The following DGKB variants were observed in gnomAD, a reference collection of about 807,000 sequenced individuals.
The protein encoded by DGKB is diacylglycerol kinase beta.
DGKB carries 67 observed loss-of-function variants against 114.3 expected under a neutral mutation model. The observed-to-expected ratio is 0.59, with a 90% confidence interval of 0.48 to 0.72. The LOEUF (loss-of-function observed/expected upper bound fraction) is 0.72. Ranked by LOEUF, DGKB falls within the 30% of genes least tolerant of loss-of-function variation. DGKB has a pLI of 0.00. For missense variants in DGKB, 907 were observed against 975.2 expected (o/e 0.93, Z 0.93); for synonymous variants, 398 against 323.1 (o/e 1.23, Z -2.49).
chr7:14,598,554 G>T (rs866852652), intron 17 of DGKB, among the ~76,000 whole-genome samples: 79 of 152,290 alleles, frequency 5.2e-4, no homozygotes, highest in Admixed American at 3.9e-4. Flanking sequence ...TCTCATTGCA[G>T]ATGGTAAATG....
intron 23 of DGKB, among the ~76,000 whole-genome samples, chr7:14,327,730 G>T (rs554850037): frequency 1.3e-5 from 2 of 152,000 alleles, no homozygotes; most frequent in African/African-American, 4.8e-5. Flanking sequence ...TACTGCACTC[G>T]TGGTGAGCTG....
chr7:14,823,038 A>T (rs1209321082), intron 2 of DGKB, among the ~76,000 whole-genome samples: 2 of 151,888 alleles, frequency 1.3e-5, no homozygotes, highest in African/African-American at 4.8e-5. Flanking sequence ...CTTTTAAAAA[A>T]AATTTAAGAA....
At chr7:14,324,334 C>T (rs1199135307) in intron 23 of DGKB, among the ~76,000 whole-genome samples, 3 of 151,188 alleles carry the variant, frequency 2.0e-5, no homozygotes, top group African/African-American at 4.9e-5. Context: ...ATAATCCTGG[C>T]TACTTGGGAG....
intron 23 of DGKB, among the ~76,000 whole-genome samples, chr7:14,276,110 C>A (rs1471082099): frequency 6.6e-6 from 1 of 152,160 alleles, no homozygotes; most frequent in African/African-American, 2.4e-5. Context: ...AGGCAAATCA[C>A]TGAAGCTTTA....
intron 2 of DGKB, among the ~76,000 whole-genome samples, chr7:14,839,364 G>A (rs1847593295): frequency 6.6e-6 from 1 of 151,352 alleles, no homozygotes; most frequent in Non-Finnish European, 1.5e-5. Flanking sequence ...TGATAAAGAA[G>A]AAGTAGGCCA....
chr7:14,416,641 G>C (rs1825772566), intron 21 of DGKB, among the ~76,000 whole-genome samples: 1 of 151,972 alleles, frequency 6.6e-6, no homozygotes, highest in Non-Finnish European at 1.5e-5. Flanking sequence ...TGTTTTTTAA[G>C]GGGAAACACC....
chr7:14,799,987 G>A (rs921618110), intron 2 of DGKB, among the ~76,000 whole-genome samples: 1 of 152,010 alleles, frequency 6.6e-6, no homozygotes, highest in Admixed American at 6.6e-5. Context: ...CGCCATCTTG[G>A]CTTACTATGA....
intron 19 of DGKB, among the ~76,000 whole-genome samples, chr7:14,577,541 C>T (rs895290003): frequency 7.2e-5 from 11 of 151,964 alleles, no homozygotes; most frequent in East Asian, 1.9e-4. Context: ...GGCGTGAACC[C>T]GGGGGGCGGA....
At chr7:14,298,316 C>A (rs1802928996) in intron 23 of DGKB, among the ~76,000 whole-genome samples, 2 of 152,088 alleles carry the variant, frequency 1.3e-5, no homozygotes, top group Admixed American at 1.3e-4. Context: ...TACTACAAGG[C>A]TACATTAACC....
chr7:14,567,772 A>G (rs1457517479), intron 20 of DGKB, among the ~76,000 whole-genome samples: 2 of 150,312 alleles, frequency 1.3e-5, no homozygotes, highest in African/African-American at 2.5e-5. Flanking sequence ...ATGCCCAGCT[A>G]ATTTTTGTAT....
intron 23 of DGKB, among the ~76,000 whole-genome samples, chr7:14,309,749 C>A (rs1805062715): frequency 6.6e-6 from 1 of 152,164 alleles, no homozygotes; most frequent in African/African-American, 2.4e-5. Context: ...CTCTGACAAC[C>A]AGACAAATAC....
At chr7:14,864,801 A>AG (rs1053722982) in intron 1 of DGKB, among the ~76,000 whole-genome samples, 1 of 152,006 alleles carries the variant, frequency 6.6e-6, no homozygotes, top group Non-Finnish European at 1.5e-5. Flanking sequence ...TGACAAAAAA[A>AG]AAAAAATATG....
chr7:14,198,563 C>G (rs936206807), intron 23 of DGKB, among the ~76,000 whole-genome samples: 4 of 151,992 alleles, frequency 2.6e-5, no homozygotes, highest in Non-Finnish European at 5.9e-5. Flanking sequence ...CTTACAATAC[C>G]TTGATCTTTC....
intron 2 of DGKB, among the ~76,000 whole-genome samples, chr7:14,764,731 T>G (rs1836210565): frequency 6.6e-6 from 1 of 151,804 alleles, no homozygotes; most frequent in South Asian, 2.1e-4. Flanking sequence ...TTTTGTCTGA[T>G]TGCTACACGG....
chr7:14,773,788 A>AAT (rs972935511), intron 2 of DGKB, among the ~76,000 whole-genome samples: 16 of 151,812 alleles, frequency 1.1e-4, no homozygotes, highest in South Asian at 2.1e-4. Context: ...GTCATAAATA[A>AAT]ATATATATAT....
chr7:14,623,911 A>C (rs1396486293), intron 14 of DGKB, among the ~76,000 whole-genome samples: 1 of 152,124 alleles, frequency 6.6e-6, no homozygotes, highest in Admixed American at 6.6e-5. Context: ...TGTAACCTAG[A>C]GGGTTTATGC....
chr7:14,177,509 G>T (rs182226930), intron 24 of DGKB, among the ~76,000 whole-genome samples: 1 of 133,408 alleles, frequency 7.5e-6, no homozygotes, highest in East Asian at 2.2e-4. Flanking sequence ...AGCCAAGATC[G>T]TGCCACTGCA....
At chr7:14,847,733 T>A (rs1251560197) in intron 1 of DGKB, among the ~76,000 whole-genome samples, 3 of 152,234 alleles carry the variant, frequency 2.0e-5, no homozygotes, top group Admixed American at 2.0e-4. Flanking sequence ...CAACAGGAAG[T>A]CCTGATTTCA....
intron 23 of DGKB, among the ~76,000 whole-genome samples, chr7:14,322,433 T>C (rs1807999660): frequency 2.0e-5 from 3 of 152,256 alleles, no homozygotes; most frequent in South Asian, 4.1e-4. Flanking sequence ...AGTTGGATAA[T>C]GATATGAAAA....
Sources: allele counts gnomAD v4.1 joint callset (sites outside exome capture counted in the v4.1 genomes callset), GRCh38; gene constraint gnomAD v4.1.1; transcripts MANE v1.5; gene names NCBI Gene and HGNC (gene_info 2026-07-23, HGNC 2026-07-21).